FGF12: variants seen among roughly 807,000 people sequenced by gnomAD.
FGF12 encodes the protein fibroblast growth factor 12, also known as fibroblast growth factor 12B.
FGF12 carries 14 observed loss-of-function variants against 23.6 expected under a neutral mutation model. That is an observed-to-expected ratio of 0.59 (90% CI 0.39 to 0.93). FGF12 has a LOEUF of 0.93. Among genes scored for constraint, FGF12 ranks in the 40% least tolerant of loss-of-function variants. FGF12 has a pLI of 0.00. For synonymous variants in FGF12, 62 were observed against 77.3 expected, an observed-to-expected ratio of 0.80 and a Z score of 1.04; for missense variants, 175 against 217.8, an observed-to-expected ratio of 0.80 and a Z score of 1.24.
At chr3:192,448,987 G>C (rs1403825727) in intron 2 of FGF12, among the ~76,000 whole-genome samples, 1 of 152,160 alleles carries the variant, frequency 6.6e-6, no homozygotes, top group African/African-American at 2.4e-5. Flanking sequence ...TTTAATTACA[G>C]TGAATCATAA....
chr3:192,222,763 C>A (rs550956624), intron 4 of FGF12, among the ~76,000 whole-genome samples: 3 of 152,154 alleles, frequency 2.0e-5, no homozygotes, highest in Non-Finnish European at 4.4e-5. Context: ...AATGGTAAAT[C>A]TATTCCATCA....
intron 4 of FGF12, among the ~76,000 whole-genome samples, chr3:192,286,372 C>T (rs1714447940): frequency 6.6e-6 from 1 of 152,014 alleles, no homozygotes; most frequent in Admixed American, 6.6e-5. Context: ...TCACTGTTTG[C>T]ATTCACTGTT....
chr3:192,410,755 G>A (rs1231373764), intron 2 of FGF12, among the ~76,000 whole-genome samples: 1 of 152,174 alleles, frequency 6.6e-6, no homozygotes, highest in Non-Finnish European at 1.5e-5. Flanking sequence ...GATGACTCCA[G>A]GTGCGGCGAG....
chr3:192,294,667 A>C (rs184686843), intron 4 of FGF12, among the ~76,000 whole-genome samples: 1 of 152,206 alleles, frequency 6.6e-6, no homozygotes. Context: ...AATGTTTAAC[A>C]TGCTTTTTTG....
At position 192,321,512 on chromosome 3, in the gene FGF12, C is replaced by CA. The variant is rs1324052374; in HGVS notation, c.228+13848_228+13849insT. Among the ~76,000 whole-genome samples, 161 of 132,254 alleles carry CA rather than the reference C, an allele frequency of 1.2e-3. 1 individual carries two copies. The highest frequency in any genetic ancestry group is 4.3e-3 in the African/African-American group (154 of 35,682). 86.8% of individuals were successfully genotyped at this position (132,254 alleles called of 152,430 possible). A position where few individuals can be genotyped will look rare whatever the true frequency, so the allele number is the denominator to read the frequency against. On this transcript the variant is annotated intron_variant, in intron 4 of 5. Transcript: ENST00000445105. ...AAGACATTCAAAAAAAAAAAAAAAA[C>CA]CACACAAAAAAACTATAGGCTAGTG...
At chr3:192,547,528 C>T (rs1470371516) in intron 2 of FGF12, among the ~76,000 whole-genome samples, 4 of 152,082 alleles carry the variant, frequency 2.6e-5, no homozygotes, top group African/African-American at 9.7e-5. Context: ...TAATTTATAA[C>T]AGGTTATTAT....
At chr3:192,391,155 A>G (rs1720277401) in intron 2 of FGF12, among the ~76,000 whole-genome samples, 1 of 152,230 alleles carries the variant, frequency 6.6e-6, no homozygotes, top group South Asian at 2.1e-4. Flanking sequence ...CTTGGGGATT[A>G]GCAAAATGTA....
At chr3:192,618,612 C>G (rs1015683447) in intron 2 of FGF12, among the ~76,000 whole-genome samples, 2 of 152,084 alleles carry the variant, frequency 1.3e-5, no homozygotes, top group African/African-American at 4.8e-5. Context: ...AAAACTCTGG[C>G]TCAGAAATGG....
chr3:192,261,613 A>G (rs1712759251), intron 4 of FGF12, among the ~76,000 whole-genome samples: 1 of 152,220 alleles, frequency 6.6e-6, no homozygotes. Flanking sequence ...CCAGGAACAC[A>G]TGAAGATATG....
chr3:192,594,065 G>T (rs895889333), intron 2 of FGF12, among the ~76,000 whole-genome samples: 1 of 151,888 alleles, frequency 6.6e-6, no homozygotes, highest in African/African-American at 2.4e-5. Flanking sequence ...ATTTTCCAAA[G>T]AACGTAGTGG....
chr3:192,689,487 C>T (rs149799090), intron 2 of FGF12, among the ~76,000 whole-genome samples: 174 of 151,860 alleles, frequency 1.1e-3, no homozygotes, highest in Middle Eastern at 6.8e-3. Context: ...TAGAAAATAA[C>T]CAAACAGAAA....
chr3:192,511,004 G>A (rs767799004), intron 2 of FGF12, among the ~76,000 whole-genome samples: 20 of 152,244 alleles, frequency 1.3e-4, no homozygotes, highest in East Asian at 1.9e-4. Context: ...TTATAGGATC[G>A]TTGAGGTTTT....
At chr3:192,642,846 C>T (rs141745497) in intron 2 of FGF12, among the ~76,000 whole-genome samples, 254 of 152,350 alleles carry the variant, frequency 1.7e-3, no homozygotes, top group Non-Finnish European at 2.9e-3. Context: ...TCTTTGACGC[C>T]GTGCCAGCTC....
At chr3:192,602,472 A>G (rs980284557) in intron 2 of FGF12, among the ~76,000 whole-genome samples, 81 of 152,158 alleles carry the variant, frequency 5.3e-4, no homozygotes, top group African/African-American at 1.9e-3. Flanking sequence ...CACCTTATCC[A>G]TCAAATTCTA....
At chr3:192,334,759 A>T (rs1487186271) in intron 4 of FGF12, among the ~76,000 whole-genome samples, 2 of 152,204 alleles carry the variant, frequency 1.3e-5, no homozygotes, top group Non-Finnish European at 2.9e-5. Context: ...ATGAAGGTAG[A>T]TAATTTGCCC....
intron 2 of FGF12, among the ~76,000 whole-genome samples, chr3:192,495,367 TATGA>T (rs1377523299): frequency 1.1e-4 from 17 of 152,190 alleles, no homozygotes; most frequent in African/African-American, 4.1e-4. Context: ...AGTAGTAGAA[TATGA>T]ATGTTTTTTC....
chr3:192,480,573 G>C (rs1405422632), intron 2 of FGF12, among the ~76,000 whole-genome samples: 1 of 152,116 alleles, frequency 6.6e-6, no homozygotes, highest in Non-Finnish European at 1.5e-5. Context: ...AAGAGCGAAG[G>C]TATTTTGCAA....
chr3:192,576,387 G>A (rs752088409), intron 2 of FGF12, among the ~76,000 whole-genome samples: 3 of 152,174 alleles, frequency 2.0e-5, no homozygotes, highest in Non-Finnish European at 2.9e-5. Flanking sequence ...TACCACGCAA[G>A]CTAGTTTTAG....
At chr3:192,382,828 G>A (rs903789719) in intron 2 of FGF12, among the ~76,000 whole-genome samples, 5 of 152,090 alleles carry the variant, frequency 3.3e-5, no homozygotes, top group Non-Finnish European at 5.9e-5. Flanking sequence ...TCACTTTTAT[G>A]AGGAGTAATG....
Sources: allele counts gnomAD v4.1 joint callset (sites outside exome capture counted in the v4.1 genomes callset), GRCh38; gene constraint gnomAD v4.1.1; transcripts MANE v1.5; gene names NCBI Gene and HGNC (gene_info 2026-07-23, HGNC 2026-07-21).